TRPM3: variants seen among roughly 807,000 people sequenced by gnomAD.
The protein encoded by TRPM3 is long transient receptor potential channel 3.
TRPM3 carries 77 observed loss-of-function variants against 181.2 expected under a neutral mutation model. The ratio of observed to expected loss-of-function variants is 0.42; its 90% CI spans 0.35 to 0.51. The LOEUF is 0.51. Ranked by LOEUF, TRPM3 falls within the 20% of genes least tolerant of loss-of-function variation. The pLI is 0.01. For synonymous variants in TRPM3, 745 were observed against 796.4 expected (o/e 0.94, Z 1.09); for missense variants, 1,759 against 2,196.7 (o/e 0.80, Z 3.98).
chr9:71,441,241 A>G (rs2094132690), intron 1 of TRPM3, among the ~76,000 whole-genome samples: 1 of 151,806 alleles, frequency 6.6e-6, no homozygotes, highest in Non-Finnish European at 1.5e-5. Context: ...TTTTTTTCAC[A>G]CACAAAAAAA....
chr9:71,383,209 C>T lies in TRPM3; in HGVS notation c.183+63444G>A, dbSNP rs56168400. ...ATACATACACATATATGCATATATA[C>T]GTGTATGTACATGTATATGTGTGTT... On this transcript the variant is annotated intron_variant, in intron 1 of 24. Transcript: ENST00000357533. Among the ~76,000 whole-genome samples the T allele has an allele frequency of 2.1e-3, 322 of 152,152 alleles. 2 individuals are homozygous for T. The highest frequency in any genetic ancestry group is 1.7e-3 in the Non-Finnish European group (115 of 68,010).
chr9:71,019,317 T>C (rs1816357761), intron 1 of TRPM3, among the ~76,000 whole-genome samples: 1 of 151,974 alleles, frequency 6.6e-6, no homozygotes, highest in Admixed American at 6.6e-5. Context: ...AAATCTGTTA[T>C]ATGACTAAAT....
chr9:71,390,747 A>C (rs1200494824), intron 1 of TRPM3, among the ~76,000 whole-genome samples: 2 of 152,072 alleles, frequency 1.3e-5, no homozygotes, highest in African/African-American at 4.8e-5. Context: ...TAACAACAAC[A>C]AATGAAATCA....
At chr9:71,166,970 T>C (rs914056688) in intron 1 of TRPM3, among the ~76,000 whole-genome samples, 4 of 152,180 alleles carry the variant, frequency 2.6e-5, no homozygotes, top group Non-Finnish European at 5.9e-5. Flanking sequence ...TCAACACCAT[T>C]ATAATTTCTT....
At chr9:70,740,229 C>T (rs1300854304) in intron 8 of TRPM3, among the ~76,000 whole-genome samples, 2 of 151,846 alleles carry the variant, frequency 1.3e-5, no homozygotes, top group East Asian at 1.9e-4. Flanking sequence ...CAATGGCTGT[C>T]AAAAAAATAA....
intron 1 of TRPM3, among the ~76,000 whole-genome samples, chr9:71,153,150 G>A (rs2075821501): frequency 6.6e-6 from 1 of 152,042 alleles, no homozygotes; most frequent in South Asian, 2.1e-4. Flanking sequence ...TCTTGGTAAT[G>A]TACCATATAG....
chr9:71,029,306 A>T (rs1195480063), intron 1 of TRPM3, among the ~76,000 whole-genome samples: 2 of 152,184 alleles, frequency 1.3e-5, no homozygotes, highest in African/African-American at 4.8e-5. Flanking sequence ...TTAACCTGTA[A>T]TAAGACCAAA....
intron 1 of TRPM3, among the ~76,000 whole-genome samples, chr9:71,077,105 TG>T (rs1392530062): frequency 3.9e-5 from 6 of 152,224 alleles, no homozygotes; most frequent in African/African-American, 1.4e-4. Context: ...TTCTAAATCC[TG>T]GCCATGCACT....
At chr9:71,347,764 A>C (rs1230552051) in intron 1 of TRPM3, among the ~76,000 whole-genome samples, 1 of 152,106 alleles carries the variant, frequency 6.6e-6, no homozygotes, top group African/African-American at 2.4e-5. Flanking sequence ...ATTTTGATTA[A>C]AAATAAATTA....
chr9:71,352,230 T>C (rs1005873497), intron 1 of TRPM3, among the ~76,000 whole-genome samples: 2 of 152,198 alleles, frequency 1.3e-5, no homozygotes, highest in East Asian at 3.8e-4. Context: ...CATTATGTTA[T>C]TTGTTTTACA....
chr9:71,179,423 T>A (rs375187474), intron 1 of TRPM3, among the ~76,000 whole-genome samples: 4 of 152,092 alleles, frequency 2.6e-5, no homozygotes, highest in African/African-American at 9.7e-5. Context: ...AGGCAGGGAG[T>A]GTCTCCTTAT....
rs11460801 is a variant in TRPM3, at chr9:71,396,302, T to TAAA, written c.183+50348_183+50350dup. ...AAACAAACAAAAAAAGTGCTATTGC[T>TAAA]AAAAAAAAAAAAAAAATCCTTAATT... On this transcript the variant is annotated intron_variant, in intron 1 of 24. Coordinates refer to the TRPM3 transcript ENST00000357533. Among the ~76,000 whole-genome samples the TAAA allele has an allele frequency of 1.3e-3, 188 of 141,320 alleles. 1 individual carries two copies. Among genetic ancestry groups the TAAA allele is most frequent in the African/African-American group, 4.6e-3 (175 of 38,296 alleles). 92.7% of individuals were successfully genotyped at this position (141,320 alleles called of 152,430 possible).
chr9:70,558,275 C>G (rs1471344836), intron 22 of TRPM3, among the ~76,000 whole-genome samples: 1 of 152,078 alleles, frequency 6.6e-6, no homozygotes, highest in Non-Finnish European at 1.5e-5. Context: ...AAAAACCATG[C>G]GATTCTTTTT....
intron 22 of TRPM3, among the ~76,000 whole-genome samples, chr9:70,585,439 G>C (rs1263934593): frequency 2.0e-5 from 3 of 152,082 alleles, no homozygotes; most frequent in Non-Finnish European, 4.4e-5. Flanking sequence ...AAGCTCCAGA[G>C]TTCTATGTGC....
chr9:71,355,155 A>G (rs2091842843), intron 1 of TRPM3, among the ~76,000 whole-genome samples: 1 of 152,180 alleles, frequency 6.6e-6, no homozygotes, highest in South Asian at 2.1e-4. Flanking sequence ...ATTGCAATTA[A>G]TGGTTCCTGT....
rs2095963710 is a variant in TRPM3, at chr9:70,880,286, G to A, written c.178-15775C>T. 1.3e-5 allele frequency among the ~76,000 whole-genome samples: 2 copies of A among 151,950 alleles called. 1 individual carries two copies. Among genetic ancestry groups the A allele is most frequent in the South Asian group, 4.1e-4 (2 of 4,822 alleles). ...AACAGTATAATTGCCCATCAATTAT[G>A]TTTTCCCACTGAATTTAGATCACAT... On this transcript the variant is annotated intron_variant, in intron 1 of 25. Coordinates refer to ENST00000677713, the MANE Select transcript of TRPM3 (RefSeq NM_001366145.2).
chr9:71,180,454 C>A (rs1440983260), intron 1 of TRPM3, among the ~76,000 whole-genome samples: 2 of 152,104 alleles, frequency 1.3e-5, no homozygotes, highest in East Asian at 3.9e-4. Context: ...CCTAAGAATC[C>A]ATTTTTAGGA....
chr9:70,677,938 TTAGTATA>T (rs1278604628), intron 9 of TRPM3, among the ~76,000 whole-genome samples: 1 of 142,662 alleles, frequency 7.0e-6, no homozygotes, highest in Non-Finnish European at 1.5e-5. Context: ...TTTTTTTTTT[TTAGTATA>T]AGTGTGTCTC....
At chr9:70,548,539 T>C (rs779557187) in intron 25 of TRPM3, among the ~76,000 whole-genome samples, 2 of 152,218 alleles carry the variant, frequency 1.3e-5, no homozygotes, top group African/African-American at 2.4e-5. Flanking sequence ...GTGACTGCCT[T>C]GAATCTTAAA....
Sources: gnomAD v4.1 joint callset for allele counts (sites outside exome capture counted in the v4.1 genomes callset) on GRCh38, gnomAD v4.1.1 for gene constraint, MANE v1.5 for transcripts, NCBI Gene and HGNC (gene_info 2026-07-23, HGNC 2026-07-21) for gene names.